Variants in FAM135A observed in about 807,000 individuals in gnomAD.
FAM135A encodes protein FAM135A.
Under a neutral mutation model 146.8 loss-of-function variants are expected in FAM135A, and 79 were observed. The observed-to-expected ratio is 0.54, with a 90% CI of 0.45 to 0.65. FAM135A has a LOEUF of 0.65. Ranked by LOEUF, FAM135A falls within the 30% of genes least tolerant of loss-of-function variation. The pLI, the probability that FAM135A is intolerant of heterozygous loss-of-function variation, is 0.00. For missense variants in FAM135A, 1,623 were observed against 1,758.2 expected, an observed-to-expected ratio of 0.92 and a Z score of 1.38; for synonymous variants, 562 against 603.6, an observed-to-expected ratio of 0.93 and a Z score of 1.01.
At chr6:70,416,574 G>C (rs1767623432) in intron 2 of FAM135A, among the ~76,000 whole-genome samples, 1 of 152,102 alleles carries the variant, frequency 6.6e-6, no homozygotes, top group Admixed American at 6.6e-5. Flanking sequence ...GGAGCTGAGG[G>C]CATATAGATT....
intron 5 of FAM135A, among the ~76,000 whole-genome samples, chr6:70,452,995 G>A (rs1316211384): frequency 6.6e-6 from 1 of 151,906 alleles, no homozygotes; most frequent in Non-Finnish European, 1.5e-5. Flanking sequence ...TTATGAAACA[G>A]AGCCAAAAGG....
At position 70,559,762 on chromosome 6, in the gene FAM135A, G is replaced by C. The variant is rs771015487; in HGVS notation, c.4389G>C (p.Leu1463=). The C allele has an allele frequency of 6.2e-7, 1 of 1,613,948 alleles. No individual in the cohort carries two copies. The highest frequency in any genetic ancestry group is 1.3e-5 in the African/African-American group (1 of 74,912). Residue 1463 remains leucine, a synonymous_variant, in exon 22 of 22, where the codon CTG becomes CTC. Transcript: ENST00000418814. The part of the protein sequence containing the change: ...EMIHNLLRPV[L]QSKDCNLVRY... The stretch of plus-strand genomic sequence containing the variant: ...TCCACAACTTGCTTCGACCCGTTCT[G>C]CAAAGCAAGGACTGTAATTTGGTTC...
At position 70,420,391 on chromosome 6, in the gene FAM135A, A is replaced by G. The variant is rs192729272; in HGVS notation, c.-134+5015A>G. 6.6e-5 allele frequency among the ~76,000 whole-genome samples: 10 copies of G among 152,282 alleles called. No individual in the cohort carries two copies. In the East Asian group the frequency reaches 1.3e-3, roughly 21 times the overall value. On this transcript the variant is annotated intron_variant, in intron 2 of 21. Transcript: ENST00000418814. ...TCTGAAGCACTCATGAATTCTGACT[A>G]TGTGCAAGGTGTAGTTAGCTATTGT...
chr6:70,425,966 G>A (rs865894424), intron 2 of FAM135A, among the ~76,000 whole-genome samples: 7 of 152,022 alleles, frequency 4.6e-5, no homozygotes, highest in African/African-American at 1.4e-4. Flanking sequence ...AGCCGGGCGC[G>A]GTGGCGGGCG....
chr6:70,530,970 C>T (rs1795694136), intron 16 of FAM135A, among the ~76,000 whole-genome samples: 1 of 151,876 alleles, frequency 6.6e-6, no homozygotes, highest in Non-Finnish European at 1.5e-5. Context: ...AAATGGATCC[C>T]CTTTACAGAG....
At chr6:70,488,235 A>G (rs1785105486) in intron 10 of FAM135A, among the ~76,000 whole-genome samples, 1 of 152,142 alleles carries the variant, frequency 6.6e-6, no homozygotes. Context: ...ATCATGATGC[A>G]CCCACATCAA....
At chr6:70,451,445 C>G (rs2128032809) in intron 4 of FAM135A, among the ~76,000 whole-genome samples, 1 of 152,292 alleles carries the variant, frequency 6.6e-6, no homozygotes, top group South Asian at 2.1e-4. Flanking sequence ...CCCACTGATT[C>G]CACTTCGATC....
At chr6:70,414,922 T>C (rs1401026766) in intron 1 of FAM135A, among the ~76,000 whole-genome samples, 1 of 152,268 alleles carries the variant, frequency 6.6e-6, no homozygotes, top group Non-Finnish European at 1.5e-5. Context: ...GGTGTAGCTG[T>C]CCAAGAACTA....
chr6:70,482,273 C>A, intron 10 of FAM135A, 119 bp downstream of exon 10: 2 of 926,710 alleles, frequency 2.2e-6, no homozygotes, highest in Non-Finnish European at 3.0e-6. Context: ...TTGTGTGCTT[C>A]ACTTCTCTAT....
At chr6:70,533,277 AAAAC>A (rs772285914) in intron 17 of FAM135A, 26 bp downstream of exon 17, 5 of 1,575,980 alleles carry the variant, frequency 3.2e-6, no homozygotes, top group Non-Finnish European at 8.7e-7. Context: ...GTTTTCAGTG[AAAAC>A]AAACATTTTT....
Position 70,526,063 on chromosome 6 carries a change from T to C in FAM135A, c.2979T>C (p.Asp993=). Residue 993 remains aspartate (D), a synonymous_variant, in exon 15 of 22, where the codon GAT becomes GAC. Coordinates refer to ENST00000418814, the MANE Select transcript of FAM135A (RefSeq NM_001162529.3). ...SISSNTDVSE[D]RTMKKNSDVL... is the part of the protein sequence containing the mutation. The stretch of plus-strand genomic sequence containing the variant: ...CTAGTAATACAGATGTTAGTGAAGA[T>C]AGAACTATGAAAAAAAATAGTGATG... 1.2e-6 allele frequency: 2 copies of C among 1,612,594 alleles called. No homozygotes were observed. Among genetic ancestry groups the C allele is most frequent in the Non-Finnish European group, 1.7e-6 (2 of 1,179,472 alleles).
chr6:70,457,315 T>C (rs1398008077), intron 5 of FAM135A, among the ~76,000 whole-genome samples: 1 of 152,230 alleles, frequency 6.6e-6, no homozygotes, highest in African/African-American at 2.4e-5. Flanking sequence ...TATTTGATAG[T>C]GACAGGGTGG....
rs1401672680 is a variant in FAM135A at position 70,525,754 on chromosome 6, C to G, written c.2670C>G (p.Ile890Met). 2.5e-6 allele frequency: 4 copies of G among 1,613,368 alleles called. No individual in the cohort carries two copies. In the South Asian group the frequency reaches 4.4e-5, roughly 18 times the overall value. Reference protein sequence around the residue: ...PKCDDTKKSSITLQQQSVVFS... With the variant: ...PKCDDTKKSSMTLQQQSVVFS... ...GTGATGATACTAAAAAGTCAAGTATCACTTTGCAACAGCAGAGTGTTGTAT... is the reference window on the plus strand; with the variant it reads ...GTGATGATACTAAAAAGTCAAGTATGACTTTGCAACAGCAGAGTGTTGTAT... The change falls in exon 15 of 22, where the codon ATC (isoleucine) becomes ATG (methionine). Residue 890 changes from isoleucine to methionine, a missense_variant. This residue lies in a region of FAM135A where 1,061 missense variants were observed against 1,113.8 expected (regional missense o/e 0.95). Coordinates refer to ENST00000418814, the MANE Select transcript of FAM135A (RefSeq NM_001162529.3).
At chr6:70,415,485 T>A (rs1009388741) in intron 2 of FAM135A, 109 bp downstream of exon 2, 4 of 152,284 alleles carry the variant, frequency 2.6e-5, no homozygotes, top group African/African-American at 7.2e-5. Context: ...GAGGCTCTGG[T>A]GTCATCAAAC....
intron 20 of FAM135A, among the ~76,000 whole-genome samples, chr6:70,544,014 A>C (rs1798396373): frequency 6.6e-6 from 1 of 152,228 alleles, no homozygotes; most frequent in South Asian, 2.1e-4. Context: ...CTTATTGGTC[A>C]ATGAGAATAG....
Position 70,450,716 on chromosome 6 carries a change from G to GTTTTTT in FAM135A, c.78-1739_78-1734dup, listed in dbSNP as rs546674936. On this transcript the variant is annotated intron_variant, in intron 4 of 21. Transcript: ENST00000418814. ...CTCAGGGAGTGTGACCCTTTTAGTT[G>GTTTTTT]TTTTTTTTTTTTTTTTTTTTTTTTT... 8.9e-3 allele frequency among the ~76,000 whole-genome samples: 253 copies of GTTTTTT among 28,344 alleles called. 111 individuals carry two copies. Among genetic ancestry groups the GTTTTTT allele is most frequent in the Non-Finnish European group, 0.013 (168 of 13,088 alleles). The allele number at this position is 28,344 out of a possible 152,430, so 18.6% of individuals were successfully genotyped here. A position where few individuals can be genotyped will look rare whatever the true frequency, so the allele number is the denominator to read the frequency against.
At chr6:70,449,130 A>G (rs73474996) in intron 4 of FAM135A, among the ~76,000 whole-genome samples, 6,515 of 152,242 alleles carry the variant, frequency 0.043, 299 homozygotes, top group African/African-American at 0.1. Context: ...TTCTTTTCAT[A>G]TTTTAAAATT....
chr6:70,442,754 A>C (rs1343893445), intron 4 of FAM135A, among the ~76,000 whole-genome samples: 2 of 152,084 alleles, frequency 1.3e-5, no homozygotes, highest in Non-Finnish European at 2.9e-5. Flanking sequence ...AAAGAGCCAG[A>C]CATTTTATGT....
rs1199134851 is a variant in FAM135A at position 70,435,553 on chromosome 6, C to T, written c.77+7134C>T. Among the ~76,000 whole-genome samples the T allele has an allele frequency of 3.3e-5, 5 of 151,158 alleles. No homozygotes were observed. The South Asian group carries it at 8.4e-4, about 25-fold the overall frequency. ...GTTTTTTTTGAGATGGAGTTTCGCT[C>T]TTGTTGCCCAGGCTGGAGCGTAGTG... On this transcript the variant is annotated intron_variant, in intron 4 of 21. Transcript: ENST00000418814.
Sources: gnomAD v4.1 joint callset for allele counts (sites outside exome capture counted in the v4.1 genomes callset) on GRCh38, gnomAD v4.1.1 for gene constraint, gnomAD v4.1.1 regional missense constraint, MANE v1.5 for transcripts, NCBI Gene and HGNC (gene_info 2026-07-23, HGNC 2026-07-21) for gene names.